Variants in RAPGEF5 observed in about 807,000 individuals in gnomAD.
RAPGEF5 encodes Rap guanine nucleotide exchange factor 5, also known as M-Ras-regulated GEF.
In RAPGEF5, 65 loss-of-function variants were observed where a neutral mutation model predicts 125.2. The observed-to-expected ratio is 0.52, with a 90% CI of 0.43 to 0.64. RAPGEF5 has a LOEUF of 0.64. RAPGEF5 is among the 30% of genes least tolerant of loss of function. The probability of loss-of-function intolerance (pLI) is 0.00; values close to 1 mark genes in which losing one functional copy is unlikely to be tolerated. For synonymous variants in RAPGEF5, 391 were observed against 385.9 expected (o/e 1.01, Z -0.16); for missense variants, 958 against 1,048.1 (o/e 0.91, Z 1.19).
At chr7:22,334,100 G>T (rs1783980997) in intron 1 of RAPGEF5, among the ~76,000 whole-genome samples, 2 of 152,234 alleles carry the variant, frequency 1.3e-5, no homozygotes, top group Admixed American at 6.5e-5. Flanking sequence ...CGCCCCGAGT[G>T]TTCTTTCCAG....
chr7:22,164,798 A>G (rs546164361), intron 12 of RAPGEF5, among the ~76,000 whole-genome samples: 1 of 152,338 alleles, frequency 6.6e-6, no homozygotes, highest in East Asian at 1.9e-4. Flanking sequence ...ACAGAATATT[A>G]GCTGGCTCAG....
intron 25 of RAPGEF5, 125 bp from the exon 26 acceptor site, chr7:22,122,646 A>G (rs887218327): frequency 1.5e-6 from 1 of 667,086 alleles, no homozygotes; most frequent in South Asian, 1.8e-5. Flanking sequence ...TCAGAATCCC[A>G]TAAGAGGTGT....
At chr7:22,125,749 G>T in intron 24 of RAPGEF5, 91 bp from the exon 25 acceptor site, 1 of 1,168,058 alleles carries the variant, frequency 8.6e-7, no homozygotes, top group Non-Finnish European at 1.3e-6. Context: ...GGATAATCTA[G>T]CACTCTTGGC....
Position 22,118,327 on chromosome 7 carries a change from T to C in RAPGEF5, c.*4079A>G, listed in dbSNP as rs1180114601. 1 of 141,330 alleles carries C rather than the reference T, an allele frequency of 7.1e-6. No homozygotes were observed. Among genetic ancestry groups the C allele is most frequent in the African/African-American group, 2.7e-5 (1 of 36,800 alleles). The allele number at this position is 141,330 out of a possible 1,614,324, so 8.8% of individuals were successfully genotyped here. A position where few individuals can be genotyped will look rare whatever the true frequency, so the allele number is the denominator to read the frequency against. On this transcript the variant is annotated 3_prime_UTR_variant, in exon 26 of 26. Coordinates refer to ENST00000665637, the MANE Select transcript of RAPGEF5 (RefSeq NM_012294.5). ...ATAGTGTCTTTAACATAGTCTCATATTTGGAAAAGCAGTTTTAAAAAAAAA... is the reference window on the plus strand; with the variant it reads ...ATAGTGTCTTTAACATAGTCTCATACTTGGAAAAGCAGTTTTAAAAAAAAA...
rs897380675 is a variant in RAPGEF5 at position 22,184,349 on chromosome 7, ACTACT to A, written c.1204+9013_1204+9017del. Reference sequence around the variant, plus strand: ...GAAATATTAGGTAATCATTGAATAAACTACTCTACATTTTTCTGAATACTTTCTTA... The same window carrying A: ...GAAATATTAGGTAATCATTGAATAAACTACATTTTTCTGAATACTTTCTTA... On this transcript the variant is annotated intron_variant, in intron 11 of 25. Transcript: ENST00000665637. 7.2e-5 allele frequency among the ~76,000 whole-genome samples: 11 copies of A among 152,350 alleles called. 1 individual carries two copies. The highest frequency in any genetic ancestry group is 5.8e-4 in the East Asian group (3 of 5,196).
At chr7:22,353,289 T>C (rs1191440418) in intron 1 of RAPGEF5, among the ~76,000 whole-genome samples, 2 of 152,328 alleles carry the variant, frequency 1.3e-5, no homozygotes, top group African/African-American at 2.4e-5. Context: ...AAATACAATA[T>C]GTGGACCTCA....
intron 5 of RAPGEF5, among the ~76,000 whole-genome samples, chr7:22,304,592 C>T (rs911649611): frequency 1.3e-5 from 2 of 152,198 alleles, no homozygotes; most frequent in African/African-American, 2.4e-5. Flanking sequence ...AGTTAAATCA[C>T]GAGGACAGCT....
At chr7:22,125,754 C>T (rs1782721197) in intron 24 of RAPGEF5, 96 bp from the exon 25 acceptor site, 1 of 1,138,284 alleles carries the variant, frequency 8.8e-7, no homozygotes, top group Admixed American at 1.7e-5. Flanking sequence ...ATCTAGCACT[C>T]TTGGCTGTAA....
chr7:22,187,491 C>T (rs1418758369), intron 11 of RAPGEF5, among the ~76,000 whole-genome samples: 1 of 152,126 alleles, frequency 6.6e-6, no homozygotes, highest in African/African-American at 2.4e-5. Context: ...ACCTAAGGAC[C>T]ATCCAGGAAT....
At chr7:22,329,854 C>T (rs1322566409) in intron 1 of RAPGEF5, among the ~76,000 whole-genome samples, 1 of 152,112 alleles carries the variant, frequency 6.6e-6, no homozygotes, top group African/African-American at 2.4e-5. Flanking sequence ...TTTTATTCAG[C>T]AGTTGTCTTA....
At chr7:22,245,812 T>A (rs992294150) in intron 7 of RAPGEF5, among the ~76,000 whole-genome samples, 1 of 152,130 alleles carries the variant, frequency 6.6e-6, no homozygotes, top group African/African-American at 2.4e-5. Flanking sequence ...ACTATCTCTC[T>A]TCACTGATAC....
chr7:22,335,793 T>A (rs748095978), intron 1 of RAPGEF5, among the ~76,000 whole-genome samples: 5 of 152,014 alleles, frequency 3.3e-5, no homozygotes, highest in Non-Finnish European at 5.9e-5. Context: ...AAGCAACTCC[T>A]TTCCTTCTCT....
At chr7:22,255,775 T>C (rs539946970) in intron 7 of RAPGEF5, among the ~76,000 whole-genome samples, 17 of 152,232 alleles carry the variant, frequency 1.1e-4, no homozygotes, top group Admixed American at 2.0e-4. Context: ...TTGAAGAGTT[T>C]ATGAGTTTTC....
intron 7 of RAPGEF5, among the ~76,000 whole-genome samples, chr7:22,247,970 CTGGATGAGGGAA>C (rs1377891146): frequency 5.3e-5 from 8 of 152,074 alleles, no homozygotes; most frequent in Non-Finnish European, 1.2e-4. Flanking sequence ...CTGTAGACTA[CTGGATGAGGGAA>C]AGAGGGAGGG....
chr7:22,321,283 T>C (rs1457993690), intron 1 of RAPGEF5, among the ~76,000 whole-genome samples: 1 of 152,170 alleles, frequency 6.6e-6, no homozygotes, highest in Admixed American at 6.5e-5. Flanking sequence ...CCAGAAATAA[T>C]TGGTTAGCAA....
At chr7:22,339,935 A>G (rs559606394) in intron 1 of RAPGEF5, among the ~76,000 whole-genome samples, 99 of 152,332 alleles carry the variant, frequency 6.5e-4, no homozygotes, top group African/African-American at 2.4e-3. Flanking sequence ...GACCAGGTGG[A>G]TGGTTACTCA....
chr7:22,164,300 C>T (rs1475866473), intron 12 of RAPGEF5, among the ~76,000 whole-genome samples: 1 of 152,156 alleles, frequency 6.6e-6, no homozygotes. Flanking sequence ...CACTCTACTC[C>T]AGCCTAGGTA....
intron 21 of RAPGEF5, among the ~76,000 whole-genome samples, chr7:22,137,362 A>G (rs766271876): frequency 7.9e-5 from 12 of 152,216 alleles, no homozygotes; most frequent in Non-Finnish European, 1.5e-4. Context: ...TGACATTTTT[A>G]GCATAGATGA....
chr7:22,234,906 A>C (rs1441177328), intron 7 of RAPGEF5, among the ~76,000 whole-genome samples: 2 of 152,196 alleles, frequency 1.3e-5, no homozygotes, highest in African/African-American at 4.8e-5. Context: ...AAGGGGACTC[A>C]TGTCCTTTCT....
Sources: allele counts gnomAD v4.1 joint callset (sites outside exome capture counted in the v4.1 genomes callset), GRCh38; gene constraint gnomAD v4.1.1; transcripts MANE v1.5; gene names NCBI Gene and HGNC (gene_info 2026-07-23, HGNC 2026-07-21).